SNRNP70: variants seen among roughly 807,000 people sequenced by gnomAD.
The protein encoded by SNRNP70 is small nuclear ribonucleoprotein U1 subunit 70, also known as U1 small nuclear ribonucleoprotein 70 kDa.
A neutral mutation model predicts 50.5 loss-of-function variants in SNRNP70; 8 were observed. The observed-to-expected ratio is 0.16, with a 90% CI of 0.09 to 0.29. SNRNP70 has a LOEUF of 0.29. Among genes scored for constraint, SNRNP70 ranks in the 10% least tolerant of loss-of-function variants. The pLI, the probability that SNRNP70 is intolerant of heterozygous loss-of-function variation, is 1.00. For synonymous variants in SNRNP70, 320 were observed against 252.9 expected (o/e 1.27, Z -2.52); for missense variants, 529 against 663.5 (o/e 0.80, Z 2.23).
Position 49,108,271 on chromosome 19 carries a change from G to T in SNRNP70, c.1142G>T (p.Gly381Val). 6.4e-7 allele frequency: 1 copy of T among 1,557,722 alleles called. No homozygotes were observed. The highest frequency in any genetic ancestry group is 8.7e-7 in the Non-Finnish European group (1 of 1,151,682). ...DRDRDREHKR[G>V]ERGSERGRDE... ...GACCGTGACCGCGAGCACAAACGGG[G>T]GGAGCGGGGCAGTGAGCGGGGCAGG... Residue 381 changes from glycine to valine, a missense_variant, in exon 10 of 10, where the codon GGG (glycine) becomes GTG (valine). Gly to Val is a moderately radical substitution (Grantham distance 109). Coordinates refer to ENST00000598441, the MANE Select transcript of SNRNP70 (RefSeq NM_003089.6).
At chr19:49,101,292 C>A in intron 6 of SNRNP70, 98 bp from the exon 7 acceptor site, 1 of 851,692 alleles carries the variant, frequency 1.2e-6, no homozygotes, top group Non-Finnish European at 2.0e-6. Flanking sequence ...GGTCTGAGGC[C>A]TCATCCGGCC....
intron 8 of SNRNP70, among the ~76,000 whole-genome samples, chr19:49,105,574 A>G (rs1031723565): frequency 9.2e-5 from 14 of 151,940 alleles, no homozygotes; most frequent in African/African-American, 2.9e-4. Flanking sequence ...TAAAAATACA[A>G]AAATTAACTG....
In SNRNP70 at chr19:49,107,430, G is replaced by A. The variant is rs2040686494; in HGVS notation, c.578-195G>A. On this transcript the variant is annotated intron_variant, in intron 8 of 9. Transcript: ENST00000598441. This position sits in a 1 kb window ranked among gnomAD's most constrained non-coding sequence, Gnocchi z 6.0. The stretch of plus-strand genomic sequence containing the variant: ...ACGGCTGTTGCCTAGCGAACGCTTT[G>A]TGTGAGTTAATTAGAGAAGACGTGG... Among the ~76,000 whole-genome samples the A allele has an allele frequency of 6.6e-6, 1 of 152,190 alleles. No individual in the cohort carries two copies. Among genetic ancestry groups the A allele is most frequent in the South Asian group, 2.1e-4 (1 of 4,832 alleles).
chr19:49,101,802 A>G, intron 7 of SNRNP70: 1 of 396,320 alleles, frequency 2.5e-6, no homozygotes. Context: ...AACCTCCCCC[A>G]TTCCCCCCAC....
At chr19:49,101,262 G>A (rs2122370002) in intron 6 of SNRNP70, 128 bp from the exon 7 acceptor site, 1 of 693,004 alleles carries the variant, frequency 1.4e-6, no homozygotes, top group East Asian at 2.7e-5. Context: ...AGTCACTCAG[G>A]GCTCTTGAAG....
At chr19:49,105,914 G>C (rs1247374309) in intron 8 of SNRNP70, among the ~76,000 whole-genome samples, 1 of 152,160 alleles carries the variant, frequency 6.6e-6, no homozygotes, top group Non-Finnish European at 1.5e-5. Flanking sequence ...CTCTTGTTTC[G>C]GGGTGGGCAC....
In SNRNP70 at chr19:49,085,505, AGCGGGC is replaced by A. The variant is rs2122291512; in HGVS notation, c.-140_-135del. 2.2e-6 allele frequency: 1 copy of A among 454,368 alleles called. No individual in the cohort carries two copies. Among genetic ancestry groups the A allele is most frequent in the South Asian group, 1.6e-5 (1 of 64,442 alleles). The allele number at this position is 454,368 out of a possible 1,614,324, so 28.1% of individuals were successfully genotyped here. A position where few individuals can be genotyped will look rare whatever the true frequency, so the allele number is the denominator to read the frequency against. On this transcript the variant is annotated 5_prime_UTR_variant, in exon 1 of 10. Transcript: ENST00000598441. Reference sequence around the variant, plus strand: ...GAGCAGCGGCCTGGTGCGCTCGCTTAGCGGGCGACGGAATCAGACGGACGTGGACGC... The same window carrying A: ...GAGCAGCGGCCTGGTGCGCTCGCTTAGACGGAATCAGACGGACGTGGACGC...
chr19:49,089,128 T>C (rs1396402441), intron 2 of SNRNP70, among the ~76,000 whole-genome samples: 1 of 152,230 alleles, frequency 6.6e-6, no homozygotes, highest in African/African-American at 2.4e-5. Flanking sequence ...AGATACTGTT[T>C]CCAATCTGTT....
Position 49,107,840 on chromosome 19 carries a change from T to TGAGCGG in SNRNP70, c.717_722dup (p.Glu240_Arg241dup), listed in dbSNP as rs2040694538. ...CGCACAGGGACCGGGACCGGGACCGTGAGCGGGAGCGCAGAGAGCGGAGCC... is the reference window on the plus strand; with the variant it reads ...CGCACAGGGACCGGGACCGGGACCGTGAGCGGGAGCGGGAGCGCAGAGAGCGGAGCC... On this transcript the variant is annotated inframe_insertion, in exon 10 of 10. Transcript: ENST00000598441. The surrounding 1 kb of genome is among the most constrained non-coding windows in gnomAD (Gnocchi z 6.0). 7.6e-6 allele frequency: 12 copies of TGAGCGG among 1,573,906 alleles called. No homozygotes were observed. The highest frequency in any genetic ancestry group is 1.0e-5 in the Non-Finnish European group (12 of 1,160,360).
chr19:49,100,141 T>C (rs1457759945), intron 6 of SNRNP70, among the ~76,000 whole-genome samples: 2 of 152,170 alleles, frequency 1.3e-5, no homozygotes, highest in Non-Finnish European at 2.9e-5. Flanking sequence ...AGCCATCCTT[T>C]AGGGACCAGC....
chr19:49,092,709 T>A (rs909484529), intron 4 of SNRNP70, among the ~76,000 whole-genome samples: 3 of 152,022 alleles, frequency 2.0e-5, no homozygotes, highest in African/African-American at 7.2e-5. Context: ...GCAGCCGGCC[T>A]AGTTTGTCTA....
intron 6 of SNRNP70, among the ~76,000 whole-genome samples, chr19:49,100,767 T>G (rs1373504330): frequency 6.8e-6 from 1 of 146,434 alleles, no homozygotes; most frequent in African/African-American, 2.6e-5. Flanking sequence ...GATTGAGCCA[T>G]TGCACTCTAG....
chr19:49,104,606 C>T lies in SNRNP70; in HGVS notation c.476-28C>T. The T allele has an allele frequency of 2.6e-6, 4 of 1,522,622 alleles. No homozygotes were observed. Among genetic ancestry groups the T allele is most frequent in the East Asian group, 2.5e-5 (1 of 40,780 alleles). The allele number at this position is 1,522,622 out of a possible 1,614,324, so 94.3% of individuals were successfully genotyped here. A position where few individuals can be genotyped will look rare whatever the true frequency, so the allele number is the denominator to read the frequency against. On this transcript the variant is annotated intron_variant, in intron 7 of 9. Transcript: ENST00000598441. This position sits in a 1 kb window ranked among gnomAD's most constrained non-coding sequence, Gnocchi z 5.4. ...TAGAGGACCCTCTGGGGACTCCTCT[C>T]CCCTCCCCCTCCCCACATCTGTTAC...
At chr19:49,101,533 C>T in intron 7 of SNRNP70, 62 bp downstream of exon 7, 4 of 1,193,258 alleles carry the variant, frequency 3.4e-6, no homozygotes, top group Non-Finnish European at 3.7e-6. Flanking sequence ...TGCCCCAGCC[C>T]CTCCCAGTCT....
At chr19:49,105,838 G>A (rs1201988977) in intron 8 of SNRNP70, among the ~76,000 whole-genome samples, 1 of 152,226 alleles carries the variant, frequency 6.6e-6, no homozygotes, top group African/African-American at 2.4e-5. Flanking sequence ...TCGGTCCCAT[G>A]CCTCTTTGCA....
chr19:49,095,385 A>G (rs957217257), intron 4 of SNRNP70, among the ~76,000 whole-genome samples: 9 of 152,196 alleles, frequency 5.9e-5, no homozygotes, highest in African/African-American at 2.2e-4. Context: ...GACAGCTTTC[A>G]GCTCTTCATT....
intron 7 of SNRNP70, chr19:49,102,528 C>T (rs997007610): frequency 2.4e-5 from 5 of 208,426 alleles, no homozygotes; most frequent in African/African-American, 4.5e-5. Flanking sequence ...CCACTGGAGC[C>T]CTTCAGCCTT....
intron 4 of SNRNP70, among the ~76,000 whole-genome samples, chr19:49,093,572 G>C (rs1463790797): frequency 1.3e-5 from 2 of 151,062 alleles, no homozygotes; most frequent in Non-Finnish European, 2.9e-5. Context: ...CCAGCTACTC[G>C]GGAGGCTGAG....
chr19:49,087,961 G>T (rs1157647230), intron 2 of SNRNP70, among the ~76,000 whole-genome samples: 1 of 152,094 alleles, frequency 6.6e-6, no homozygotes, highest in Admixed American at 6.5e-5. Flanking sequence ...GTGCAGTGGC[G>T]TGATTTTAGC....
Sources: gnomAD v4.1 joint callset for allele counts (sites outside exome capture counted in the v4.1 genomes callset) on GRCh38, gnomAD v4.1.1 for gene constraint, Gnocchi (gnomAD v3.1) non-coding constraint, MANE v1.5 for transcripts, NCBI Gene and HGNC (gene_info 2026-07-23, HGNC 2026-07-21) for gene names.